The following AKAP6 variants were observed in gnomAD, a reference collection of about 807,000 sequenced individuals.
AKAP6 encodes the protein A-kinase anchor protein 6.
A neutral mutation model predicts 188.5 loss-of-function variants in AKAP6; 58 were observed. The ratio of observed to expected loss-of-function variants is 0.31; its 90% CI spans 0.25 to 0.38. AKAP6 has a LOEUF of 0.38. AKAP6 is among the 10% of genes least tolerant of loss of function. The pLI, the probability that AKAP6 is intolerant of heterozygous loss-of-function variation, is 1.00. For missense variants in AKAP6, 2,710 were observed against 2,740.0 expected (o/e 0.99, Z 0.24); for synonymous variants, 989 against 998.6 (o/e 0.99, Z 0.18).
intron 1 of AKAP6, among the ~76,000 whole-genome samples, chr14:32,378,588 GA>G (rs1888234226): frequency 6.6e-6 from 1 of 152,144 alleles, no homozygotes; most frequent in African/African-American, 2.4e-5. Flanking sequence ...ATCATAACAG[GA>G]AATAATATTT....
At chr14:32,521,736 C>A (rs912436803) in intron 2 of AKAP6, among the ~76,000 whole-genome samples, 9 of 152,136 alleles carry the variant, frequency 5.9e-5, no homozygotes, top group Non-Finnish European at 1.2e-4. Flanking sequence ...TAGGAAGAAT[C>A]AATATCCTGA....
Position 32,546,150 on chromosome 14 carries a change from C to G in AKAP6, c.1497C>G (p.His499Gln). ...YKEKSRLKKPHKTSEEVPPCR... is the reference protein window; with the variant it reads ...YKEKSRLKKPQKTSEEVPPCR... ...AGAAATCTCGACTTAAAAAGCCACA[C>G]AAGACCTCAGAAGAGGTGCCTCCAT... Residue 499 changes from histidine to glutamine, a missense_variant, in exon 4 of 14, where the codon CAC (histidine) becomes CAG (glutamine). This residue lies in a region of AKAP6 where 2,473 missense variants were observed against 2,426.1 expected (regional missense o/e 1.02). Coordinates refer to ENST00000280979, the MANE Select transcript of AKAP6 (RefSeq NM_004274.5). 1 of 1,613,954 alleles carries G rather than the reference C, an allele frequency of 6.2e-7. No individual in the cohort carries two copies. Among genetic ancestry groups the G allele is most frequent in the Non-Finnish European group, 8.5e-7 (1 of 1,179,992 alleles).
chr14:32,694,732 C>G (rs947800577), intron 8 of AKAP6, among the ~76,000 whole-genome samples: 1 of 138,856 alleles, frequency 7.2e-6, no homozygotes, highest in Non-Finnish European at 1.6e-5. Flanking sequence ...CCCCCCCACC[C>G]CATCACCAGG....
chr14:32,405,585 C>A (rs749267014), intron 1 of AKAP6, among the ~76,000 whole-genome samples: 16 of 152,038 alleles, frequency 1.1e-4, no homozygotes, highest in Admixed American at 6.6e-5. Flanking sequence ...TTGATTGTGT[C>A]CCCACCCAAA....
chr14:32,823,692 T>A lies in AKAP6; in HGVS notation c.5879T>A (p.Leu1960His), dbSNP rs768968477. The change falls in exon 13 of 14, where the codon CTT becomes CAT. Residue 1960 changes from leucine (L) to histidine (H), a missense_variant. Coordinates refer to ENST00000280979, the MANE Select transcript of AKAP6 (RefSeq NM_004274.5). ...KEFVSQDVRH[L>H]PKKCPNHHHF... The stretch of plus-strand genomic sequence containing the variant: ...TTTGTTTCCCAAGATGTTAGACATC[T>A]TCCAAAGAAATGTCCAAATCACCAC... The A allele has an allele frequency of 6.2e-7, 1 of 1,613,842 alleles. No homozygotes were observed. The highest frequency in any genetic ancestry group is 1.7e-5 in the Admixed American group (1 of 59,952).
At chr14:32,507,640 T>C (rs1880947233) in intron 2 of AKAP6, among the ~76,000 whole-genome samples, 2 of 151,618 alleles carry the variant, frequency 1.3e-5, no homozygotes, top group Non-Finnish European at 1.5e-5. Context: ...CAAGGCAACA[T>C]ATAATTAAGT....
chr14:32,828,506 A>ATC (rs3032470), intron 13 of AKAP6, among the ~76,000 whole-genome samples: 5 of 141,284 alleles, frequency 3.5e-5, no homozygotes, highest in South Asian at 2.4e-4. Flanking sequence ...CCTATCATCT[A>ATC]TCTCTCTCTC....
chr14:32,461,765 G>A (rs1891332210), intron 2 of AKAP6, among the ~76,000 whole-genome samples: 1 of 151,922 alleles, frequency 6.6e-6, no homozygotes, highest in Non-Finnish European at 1.5e-5. Flanking sequence ...TCAGAAGGTG[G>A]GTAATAATGA....
intron 1 of AKAP6, among the ~76,000 whole-genome samples, chr14:32,393,995 A>C (rs1379558598): frequency 6.6e-6 from 1 of 152,160 alleles, no homozygotes; most frequent in African/African-American, 2.4e-5. Flanking sequence ...CCCTGACTTT[A>C]ATTATGACAT....
rs185961488 is a variant in AKAP6 at position 32,409,829 on chromosome 14, C to T, written c.-34-23631C>T. On this transcript the variant is annotated intron_variant, in intron 1 of 13. Coordinates refer to ENST00000280979, the MANE Select transcript of AKAP6 (RefSeq NM_004274.5). The stretch of plus-strand genomic sequence containing the variant: ...AACCTCAGAGGCATTCCAGGAGAGT[C>T]CACTTGGTTTACTCACTTCTCTTGA... Among the ~76,000 whole-genome samples, 139 of 152,238 alleles carry T rather than the reference C, an allele frequency of 9.1e-4. 2 individuals are homozygous for T. In the East Asian group the frequency reaches 0.023, roughly 25 times the overall value.
intron 2 of AKAP6, among the ~76,000 whole-genome samples, chr14:32,507,607 C>T (rs1880945688): frequency 1.3e-5 from 2 of 151,356 alleles, no homozygotes; most frequent in South Asian, 2.1e-4. Context: ...GTATTTCACT[C>T]AGCTGTGAAA....
chr14:32,494,650 A>T (rs767715507), intron 2 of AKAP6, among the ~76,000 whole-genome samples: 1 of 152,162 alleles, frequency 6.6e-6, no homozygotes, highest in Non-Finnish European at 1.5e-5. Flanking sequence ...TTCCTGGGGA[A>T]TGATGCACTA....
chr14:32,728,491 C>T (rs1013682), intron 9 of AKAP6, among the ~76,000 whole-genome samples: 17,574 of 151,828 alleles, frequency 0.12, 1,265 homozygotes, highest in Middle Eastern at 0.19. Context: ...GAAAGACATT[C>T]AATCCTGTCA....
intron 2 of AKAP6, among the ~76,000 whole-genome samples, chr14:32,448,565 A>G (rs1462060845): frequency 6.6e-6 from 1 of 152,258 alleles, no homozygotes. Context: ...AAAGTGGTAG[A>G]GCTAGGAATA....
intron 4 of AKAP6, among the ~76,000 whole-genome samples, chr14:32,573,693 G>T (rs1246425218): frequency 6.6e-6 from 1 of 152,170 alleles, no homozygotes; most frequent in East Asian, 1.9e-4. Context: ...AATATTTGTT[G>T]CATTAGGATT....
chr14:32,745,497 G>C (rs7492377), intron 11 of AKAP6, among the ~76,000 whole-genome samples: 855 of 54,616 alleles, frequency 0.016, 5 homozygotes, highest in African/African-American at 0.052. Flanking sequence ...CTCTCTCTCT[G>C]TCTCTCTCTC....
chr14:32,431,835 A>G (rs1420185885), intron 1 of AKAP6, among the ~76,000 whole-genome samples: 1 of 152,200 alleles, frequency 6.6e-6, no homozygotes, highest in Non-Finnish European at 1.5e-5. Context: ...ATTGAATTCA[A>G]AAGTTAGATG....
chr14:32,451,197 A>G (rs1321190424), intron 2 of AKAP6, among the ~76,000 whole-genome samples: 4 of 152,228 alleles, frequency 2.6e-5, no homozygotes, highest in Non-Finnish European at 5.9e-5. Context: ...CAAGAAAATA[A>G]GATATTTTGT....
intron 2 of AKAP6, among the ~76,000 whole-genome samples, chr14:32,465,271 G>T (rs773735932): frequency 2.0e-5 from 3 of 152,132 alleles, no homozygotes; most frequent in South Asian, 2.1e-4. Flanking sequence ...AAAAGAGCCC[G>T]CACAGCCAAG....
Sources: allele counts gnomAD v4.1 joint callset (sites outside exome capture counted in the v4.1 genomes callset), GRCh38; gene constraint gnomAD v4.1.1; regional missense constraint gnomAD v4.1.1; transcripts MANE v1.5; gene names NCBI Gene and HGNC (gene_info 2026-07-23, HGNC 2026-07-21).